Variants in SIGLEC1 observed in about 807,000 individuals in gnomAD.
SIGLEC1 encodes the protein sialoadhesin.
In SIGLEC1, 132 loss-of-function variants were observed where a neutral mutation model predicts 148.0. That is an observed-to-expected ratio of 0.89 (90% CI 0.77 to 1.03). SIGLEC1 has a LOEUF of 1.03. Among genes scored for constraint, SIGLEC1 ranks in the 50% least tolerant of loss-of-function variants. SIGLEC1 has a pLI of 0.00. For missense variants in SIGLEC1, 2,253 were observed against 2,271.4 expected, an observed-to-expected ratio of 0.99 and a Z score of 0.16; for synonymous variants, 945 against 969.0, an observed-to-expected ratio of 0.98 and a Z score of 0.46.
rs570305688 is a variant in SIGLEC1 at position 3,696,869 on chromosome 20, C to A, written c.2400G>T (p.Lys800Asn). The A allele has an allele frequency of 3.2e-6, 5 of 1,561,286 alleles. No homozygotes were observed. The highest frequency in any genetic ancestry group is 4.3e-6 in the Non-Finnish European group (5 of 1,154,322). ...GGCCCATGTCTAGGAGGGCTGACAG[C>A]TTTGGACGGTCCGGGGGATCTGCAG... ...LSVLYPPDRP[K>N]LSALLDMGQG... is the part of the protein sequence containing the mutation. Residue 800 changes from lysine to asparagine, a missense_variant, in exon 11 of 22, where the codon AAG (lysine) becomes AAT (asparagine). Coordinates refer to ENST00000344754, the MANE Select transcript of SIGLEC1 (RefSeq NM_023068.4).
At chr20:3,688,973 C>G in intron 21 of SIGLEC1, 182 bp downstream of exon 21, 1 of 633,152 alleles carries the variant, frequency 1.6e-6, no homozygotes, top group Non-Finnish European at 2.8e-6. Flanking sequence ...CACAGGGATT[C>G]CCTCTGCCCC....
At chr20:3,697,550 A>T (rs1159349003) in intron 9 of SIGLEC1, among the ~76,000 whole-genome samples, 1 of 152,162 alleles carries the variant, frequency 6.6e-6, no homozygotes, top group Non-Finnish European at 1.5e-5. Context: ...AGTACAGGGA[A>T]GGAGGACAAG....
intron 21 of SIGLEC1, 79 bp downstream of exon 21, chr20:3,689,076 A>C: frequency 1.6e-6 from 2 of 1,250,038 alleles, no homozygotes; most frequent in Non-Finnish European, 2.4e-6. Flanking sequence ...CATCCTCTAA[A>C]TGACAGCAGT....
In SIGLEC1 at chr20:3,691,324, G is replaced by A; in HGVS notation, c.4591+16C>T. 1 of 1,612,096 alleles carries A rather than the reference G, an allele frequency of 6.2e-7. No homozygotes were observed. Among genetic ancestry groups the A allele is most frequent in the Non-Finnish European group, 8.5e-7 (1 of 1,178,858 alleles). On this transcript the variant is annotated intron_variant, in intron 18 of 21. Coordinates refer to ENST00000344754, the MANE Select transcript of SIGLEC1 (RefSeq NM_023068.4). ...GATGTGGGGAGACTAAGGCGGAGGA[G>A]GGGGTTCACACTCACAGAGCACACG...
chr20:3,697,332 C>A lies in SIGLEC1; in HGVS notation c.2133G>T (p.Leu711=), dbSNP rs759285687. ...SATFNGQATV[L]AIAPSHTLQE... is the part of the protein sequence containing the mutation. ...GAAGTGTGTGTGATGGTGCAATGGC[C>A]AGGACAGTGGCTGGAGAGCAGGCGG... Residue 711 remains leucine, a synonymous_variant, in exon 10 of 22, where the codon CTG becomes CTT. Coordinates refer to ENST00000344754, the MANE Select transcript of SIGLEC1 (RefSeq NM_023068.4). 1.1e-5 allele frequency: 17 copies of A among 1,613,630 alleles called. No homozygotes were observed. The highest frequency in any genetic ancestry group is 3.3e-5 in the Admixed American group (2 of 59,994).
Position 3,699,252 on chromosome 20 carries a change from T to C in SIGLEC1, c.1736A>G (p.Asp579Gly). 1 of 1,610,182 alleles carries C rather than the reference T, an allele frequency of 6.2e-7. No individual in the cohort carries two copies. Among genetic ancestry groups the C allele is most frequent in the Non-Finnish European group, 8.5e-7 (1 of 1,178,970 alleles). Residue 579 changes from aspartate to glycine, a missense_variant, in exon 8 of 22, where the codon GAC becomes GGC. Transcript: ENST00000344754. Reference protein sequence around the residue: ...DAGSYHCRARDGHSASGPSSP... With the variant: ...DAGSYHCRARGGHSASGPSSP... ...AGAGGGGCCACTGGCACTGTGGCCG[T>C]CCCGGGCCCGGCAGTGGTATGAGCC...
Position 3,691,352 on chromosome 20 carries a change from G to A in SIGLEC1, c.4579C>T (p.Leu1527Phe), listed in dbSNP as rs1475004250. 1 of 1,613,428 alleles carries A rather than the reference G, an allele frequency of 6.2e-7. No homozygotes were observed. Among genetic ancestry groups the A allele is most frequent in the Non-Finnish European group, 8.5e-7 (1 of 1,180,048 alleles). ...TGAAASAPVM[L>F]RVLYPPKTPT... ...GGTTCACACTCACAGAGCACACGGAGCATGACTGGAGCAGAGGCAGCAGCC... is the reference window on the plus strand; with the variant it reads ...GGTTCACACTCACAGAGCACACGGAACATGACTGGAGCAGAGGCAGCAGCC... The change falls in exon 18 of 22, where the codon CTC (leucine) becomes TTC (phenylalanine). Residue 1527 changes from leucine (L) to phenylalanine (F), a missense_variant. Transcript: ENST00000344754.
Position 3,694,768 on chromosome 20 carries a change from A to G in SIGLEC1, c.2839T>C (p.Phe947Leu), listed in dbSNP as rs776467878. 6.2e-7 allele frequency: 1 copy of G among 1,613,572 alleles called. No individual in the cohort carries two copies. The highest frequency in any genetic ancestry group is 8.5e-7 in the Non-Finnish European group (1 of 1,180,032). Residue 947 changes from phenylalanine to leucine, a missense_variant, in exon 12 of 22, where the codon TTT becomes CTT. Coordinates refer to ENST00000344754, the MANE Select transcript of SIGLEC1 (RefSeq NM_023068.4). ...LQESTSATLR[F>L]AAITLTQAGA... ...GCTTGTGTCAAAGTTATGGCTGCAA[A>G]GCGGAGCGTGGCCGAGGTCGACTCC...
At position 3,692,787 on chromosome 20, in the gene SIGLEC1, C is replaced by G; in HGVS notation, c.3779-15G>C. Reference sequence around the variant, plus strand: ...CACCCGCACACCTGTGCCAAGGAGGCCAGGATCAGCCGGGCCCAGCCGGAC... The same window carrying G: ...CACCCGCACACCTGTGCCAAGGAGGGCAGGATCAGCCGGGCCCAGCCGGAC... On this transcript the variant is annotated splice_polypyrimidine_tract_variant and intron_variant, in intron 15 of 21. Coordinates refer to ENST00000344754, the MANE Select transcript of SIGLEC1 (RefSeq NM_023068.4). 4 of 1,604,538 alleles carry G rather than the reference C, an allele frequency of 2.5e-6. No individual in the cohort carries two copies. Among genetic ancestry groups the G allele is most frequent in the Non-Finnish European group, 2.6e-6 (3 of 1,175,524 alleles).
At position 3,687,379 on chromosome 20, in the gene SIGLEC1, C is replaced by G. The variant is rs1329447045; in HGVS notation, c.*1181G>C. 1 of 152,238 alleles carries G rather than the reference C, an allele frequency of 6.6e-6. No homozygotes were observed. The highest frequency in any genetic ancestry group is 1.5e-5 in the Non-Finnish European group (1 of 68,066). 9.4% of individuals were successfully genotyped at this position (152,238 alleles called of 1,614,324 possible). A position where few individuals can be genotyped will look rare whatever the true frequency, so the allele number is the denominator to read the frequency against. On this transcript the variant is annotated 3_prime_UTR_variant, in exon 22 of 22. Transcript: ENST00000344754. ...CACACAGTCATGAACAGAGATGCAT[C>G]TGGAGCAGGAATAAGGATGCTGACA...
intron 14 of SIGLEC1, 134 bp downstream of exon 14, chr20:3,693,313 C>A: frequency 8.3e-7 from 1 of 1,211,568 alleles, no homozygotes; most frequent in African/African-American, 1.5e-5. Flanking sequence ...ACTCTTAATG[C>A]TCCTTGCCCA....
Position 3,690,015 on chromosome 20 carries a change from G to C in SIGLEC1, c.4841C>G (p.Ser1614Cys). Reference sequence around the variant, plus strand: ...GGCAGAGCCCAGGACATTTGAGGCAGAACAGATGTATTCCCCTTGGTCGCT... The same window carrying C: ...GGCAGAGCCCAGGACATTTGAGGCACAACAGATGTATTCCCCTTGGTCGCT... Reference protein sequence around the residue: ...RPSDQGEYICSASNVLGSAST... With the variant: ...RPSDQGEYICCASNVLGSAST... Residue 1614 changes from serine to cysteine, a missense_variant, in exon 19 of 22, where the codon TCT becomes TGT. Transcript: ENST00000344754. The C allele has an allele frequency of 6.2e-7, 1 of 1,613,248 alleles. No individual in the cohort carries two copies. Among genetic ancestry groups the C allele is most frequent in the Non-Finnish European group, 8.5e-7 (1 of 1,179,872 alleles).
intron 9 of SIGLEC1, 24 bp from the exon 10 acceptor site, chr20:3,697,366 A>G (rs2087811521): frequency 6.2e-7 from 1 of 1,611,058 alleles, no homozygotes; most frequent in Non-Finnish European, 8.5e-7. Context: ...GGCACAGCTT[A>G]CTGACCACCC....
At position 3,692,594 on chromosome 20, in the gene SIGLEC1, T is replaced by G; in HGVS notation, c.3957A>C (p.Ala1319=). The change falls in exon 16 of 22, where the codon GCA becomes GCC. Residue 1319 remains alanine, a synonymous_variant. Transcript: ENST00000344754. Reference sequence around the variant, plus strand: ...CCTGGGCCTGGCAAGAGTAGGCGCCTGCATGAGCCCGCGTGGCCACCAGGA... The same window carrying G: ...CCTGGGCCTGGCAAGAGTAGGCGCCGGCATGAGCCCGCGTGGCCACCAGGA... The part of the protein sequence containing the change: ...LSFLVATRAH[A]GAYSCQAQDA... The G allele has an allele frequency of 6.2e-7, 1 of 1,612,362 alleles. No homozygotes were observed. The highest frequency in any genetic ancestry group is 8.5e-7 in the Non-Finnish European group (1 of 1,179,966).
chr20:3,698,127 G>A lies in SIGLEC1; in HGVS notation c.1793C>T (p.Pro598Leu). ...CCTGGTGGTGAATGTTGGTTGTCGA[G>A]GGGGGTCTGCAGGGAGGAAGAACAT... ...SPAVLTVLYP[P>L]RQPTFTTRLD... is the part of the protein sequence containing the mutation. Residue 598 changes from proline to leucine, a missense_variant, in exon 9 of 22, where the codon CCT becomes CTT. Pro to Leu is a moderately conservative substitution (Grantham distance 98, BLOSUM62 -3). Transcript: ENST00000344754. 16 of 1,592,458 alleles carry A rather than the reference G, an allele frequency of 1.0e-5. No homozygotes were observed. Among genetic ancestry groups the A allele is most frequent in the Non-Finnish European group, 1.4e-5 (16 of 1,171,940 alleles).
chr20:3,691,624 G>T, intron 17 of SIGLEC1, 24 bp from the exon 18 acceptor site: 2 of 1,605,454 alleles, frequency 1.2e-6, no homozygotes, highest in Non-Finnish European at 1.7e-6. Flanking sequence ...ATAGAGAGAT[G>T]ATTGGGGATC....
chr20:3,688,166 T>C lies in SIGLEC1; in HGVS notation c.*394A>G. 1 of 276,038 alleles carries C rather than the reference T, an allele frequency of 3.6e-6. No individual in the cohort carries two copies. The highest frequency in any genetic ancestry group is 7.0e-6 in the Non-Finnish European group (1 of 142,258). 17.1% of individuals were successfully genotyped at this position (276,038 alleles called of 1,614,324 possible). A position where few individuals can be genotyped will look rare whatever the true frequency, so the allele number is the denominator to read the frequency against. On this transcript the variant is annotated 3_prime_UTR_variant, in exon 22 of 22. Transcript: ENST00000344754. ...CTTGTTAGAGCAGGCTGACTGATAC[T>C]CTGTTGAATACAGAATGCCTTGGTG...
chr20:3,696,693 AG>A lies in SIGLEC1; in HGVS notation c.2575del (p.Leu859Ter). 6.2e-7 allele frequency: 1 copy of A among 1,613,790 alleles called. No individual in the cohort carries two copies. Among genetic ancestry groups the A allele is most frequent in the Non-Finnish European group, 8.5e-7 (1 of 1,180,012 alleles). On this transcript the variant is annotated frameshift_variant, in exon 11 of 22. Transcript: ENST00000344754. LOFTEE classifies it high-confidence loss of function. The stretch of plus-strand genomic sequence containing the variant: ...GCCCAGTTCTCGGACCTCTAACTTC[AG>A]GGAGTTGGCCTCAGCTTTAGCCTGG... ...RFQAKAEANS[L>X]KLEVRELGLG...
At chr20:3,703,120 C>T (rs1374239593) in intron 6 of SIGLEC1, 77 bp downstream of exon 6, 2 of 1,587,990 alleles carry the variant, frequency 1.3e-6, no homozygotes, top group Non-Finnish European at 8.6e-7. Context: ...ATGCCCAGGA[C>T]CCCAACCCTT....
Sources: allele counts gnomAD v4.1 joint callset (sites outside exome capture counted in the v4.1 genomes callset), GRCh38; gene constraint gnomAD v4.1.1; transcripts MANE v1.5; gene names NCBI Gene and HGNC (gene_info 2026-07-23, HGNC 2026-07-21).